Variants in MPDZ observed in about 807,000 individuals in gnomAD.
MPDZ encodes multiple PDZ domain protein.
In MPDZ, 234 loss-of-function variants were observed where a neutral mutation model predicts 239.1. The ratio of observed to expected loss-of-function variants is 0.98; its 90% CI spans 0.88 to 1.09. The LOEUF (loss-of-function observed/expected upper bound fraction) is 1.09. Ranked by LOEUF, MPDZ falls within the 50% of genes least tolerant of loss-of-function variation. The pLI is 0.00. For synonymous variants in MPDZ, 1,048 were observed against 881.3 expected (o/e 1.19, Z -3.35); for missense variants, 3,175 against 2,510.0 (o/e 1.26, Z -5.66).
intron 1 of MPDZ, among the ~76,000 whole-genome samples, chr9:13,252,077 C>A (rs1968188492): frequency 6.6e-6 from 1 of 152,090 alleles, no homozygotes; most frequent in African/African-American, 2.4e-5. Context: ...GGATTAATGT[C>A]CAGTCAGTAT....
chr9:13,176,455 A>G (rs1952504990), intron 19 of MPDZ, 38 bp from the exon 20 acceptor site: 1 of 1,468,920 alleles, frequency 6.8e-7, no homozygotes, highest in African/African-American at 1.4e-5. Context: ...AACATGAAAA[A>G]TGTGACCAGA....
intron 25 of MPDZ, among the ~76,000 whole-genome samples, chr9:13,147,886 A>AATCAATTG (rs1471447917): frequency 4.6e-5 from 7 of 152,036 alleles, no homozygotes; most frequent in Admixed American, 3.9e-4. Flanking sequence ...TTCAAGACAT[A>AATCAATTG]ATCAATTGAA....
intron 23 of MPDZ, among the ~76,000 whole-genome samples, chr9:13,162,038 GC>G (rs1950549226): frequency 1.3e-5 from 2 of 152,238 alleles, no homozygotes; most frequent in African/African-American, 4.8e-5. Context: ...GACGAGGTGG[GC>G]AGACTGCTTA....
intron 22 of MPDZ, among the ~76,000 whole-genome samples, chr9:13,166,970 G>C (rs1020148035): frequency 6.6e-6 from 1 of 152,084 alleles, no homozygotes; most frequent in Non-Finnish European, 1.5e-5. Flanking sequence ...CTAGTACCAA[G>C]TACTAATTCT....
intron 39 of MPDZ, among the ~76,000 whole-genome samples, chr9:13,118,568 A>C (rs1943853548): frequency 6.6e-6 from 1 of 152,176 alleles, no homozygotes; most frequent in East Asian, 1.9e-4. Flanking sequence ...ACTGATGATG[A>C]CAGTTTTCTA....
intron 18 of MPDZ, 72 bp downstream of exon 18, chr9:13,186,198 A>C: frequency 1.3e-6 from 1 of 758,892 alleles, no homozygotes. Flanking sequence ...AGACTTCTTC[A>C]GAATATTTTG....
rs1241460465 is a variant in MPDZ at position 13,205,097 on chromosome 9, T to C, written c.1485A>G (p.Glu495=). The C allele has an allele frequency of 7.0e-7, 1 of 1,418,556 alleles. No homozygotes were observed. Among genetic ancestry groups the C allele is most frequent in the Middle Eastern group, 2.2e-4 (1 of 4,578 alleles). The allele number at this position is 1,418,556 out of a possible 1,614,324, so 87.9% of individuals were successfully genotyped here. A position where few individuals can be genotyped will look rare whatever the true frequency, so the allele number is the denominator to read the frequency against. ...TCGAAGATAAAAAATCTTCATCTTT[T>C]TCATAATTTTCTTAAAGATAAAAAT... The part of the protein sequence containing the change: ...VNASIIKENY[E]KDEDFLSSTR... The change falls in exon 12 of 47, where the codon GAA becomes GAG. Residue 495 remains glutamate (E), a synonymous_variant. Coordinates refer to ENST00000319217, the MANE Select transcript of MPDZ (RefSeq NM_001378778.1).
chr9:13,185,491 T>A (rs549742843), intron 18 of MPDZ, among the ~76,000 whole-genome samples: 41 of 152,096 alleles, frequency 2.7e-4, no homozygotes, highest in Non-Finnish European at 1.8e-4. Flanking sequence ...CAGTGCACAA[T>A]GTTTGCCCCA....
chr9:13,148,570 T>G (rs1356221911), intron 25 of MPDZ, among the ~76,000 whole-genome samples: 1 of 152,012 alleles, frequency 6.6e-6, no homozygotes, highest in Non-Finnish European at 1.5e-5. Context: ...GATGACAATA[T>G]TTTTTTCAGT....
intron 2 of MPDZ, among the ~76,000 whole-genome samples, chr9:13,249,734 C>G (rs1967412150): frequency 6.6e-6 from 1 of 152,116 alleles, no homozygotes; most frequent in Admixed American, 6.5e-5. Context: ...TAAAATGGTT[C>G]TACAAACTAG....
At chr9:13,228,246 C>A (rs1961250161) in intron 3 of MPDZ, among the ~76,000 whole-genome samples, 1 of 152,074 alleles carries the variant, frequency 6.6e-6, no homozygotes, top group African/African-American at 2.4e-5. Flanking sequence ...ACATTTCAGT[C>A]TAAAGGGGGC....
rs756259982 is a variant in MPDZ at position 13,105,974 on chromosome 9, TTA to T, written c.*989_*990del. On this transcript the variant is annotated 3_prime_UTR_variant, in exon 47 of 47. Coordinates refer to ENST00000319217, the MANE Select transcript of MPDZ (RefSeq NM_001378778.1). ...GTTAATATAAGTCAATGAAATGAAG[TTA>T]TGTTAATCCCCTTAATTTTTCTATC... 2.0e-5 allele frequency: 3 copies of T among 152,184 alleles called. No individual in the cohort carries two copies. The highest frequency in any genetic ancestry group is 4.4e-5 in the Non-Finnish European group (3 of 68,022). The allele number at this position is 152,184 out of a possible 1,614,324, so 9.4% of individuals were successfully genotyped here. A position where few individuals can be genotyped will look rare whatever the true frequency, so the allele number is the denominator to read the frequency against.
intron 32 of MPDZ, among the ~76,000 whole-genome samples, chr9:13,131,334 AAAT>A (rs369824279): frequency 1.3e-5 from 2 of 152,290 alleles, no homozygotes; most frequent in African/African-American, 4.8e-5. Context: ...GTATTAACAA[AAAT>A]AATAATAATA....
At chr9:13,271,394 C>T (rs1190634901) in intron 1 of MPDZ, among the ~76,000 whole-genome samples, 1 of 152,072 alleles carries the variant, frequency 6.6e-6, no homozygotes, top group Non-Finnish European at 1.5e-5. Context: ...AAATAGGAAA[C>T]GGAAGACAGG....
intron 28 of MPDZ, among the ~76,000 whole-genome samples, chr9:13,139,128 T>A (rs1587140424): frequency 6.6e-6 from 1 of 152,338 alleles, no homozygotes; most frequent in East Asian, 1.9e-4. Context: ...AATGGGCCAA[T>A]GCCATGCATT....
At chr9:13,204,091 T>G (rs1382201576) in intron 12 of MPDZ, among the ~76,000 whole-genome samples, 1 of 151,888 alleles carries the variant, frequency 6.6e-6, no homozygotes, top group East Asian at 1.9e-4. Flanking sequence ...CAGCAGAAAA[T>G]CCAATAATGA....
intron 24 of MPDZ, among the ~76,000 whole-genome samples, chr9:13,152,134 A>C (rs1168271493): frequency 6.6e-6 from 1 of 152,106 alleles, no homozygotes; most frequent in East Asian, 1.9e-4. Context: ...AAGGGAAAGA[A>C]CACTCCTGCA....
At chr9:13,212,182 T>A (rs893468940) in intron 10 of MPDZ, among the ~76,000 whole-genome samples, 1 of 152,006 alleles carries the variant, frequency 6.6e-6, no homozygotes, top group Non-Finnish European at 1.5e-5. Context: ...AAAAACTGTG[T>A]TTTTTTCCTT....
At chr9:13,208,673 A>G (rs914292864) in intron 10 of MPDZ, among the ~76,000 whole-genome samples, 1 of 149,246 alleles carries the variant, frequency 6.7e-6, no homozygotes. Flanking sequence ...TAGGATATAT[A>G]TATATAATAT....
Sources: allele counts gnomAD v4.1 joint callset (sites outside exome capture counted in the v4.1 genomes callset), GRCh38; gene constraint gnomAD v4.1.1; transcripts MANE v1.5; gene names NCBI Gene and HGNC (gene_info 2026-07-23, HGNC 2026-07-21).